Variants in TMEM41B observed in about 807,000 individuals in gnomAD.
TMEM41B encodes transmembrane protein 41B, also known as protein stasimon.
In TMEM41B, 18 loss-of-function variants were observed where a neutral mutation model predicts 31.9. The observed-to-expected ratio is 0.56, with a 90% CI of 0.39 to 0.84. The LOEUF (loss-of-function observed/expected upper bound fraction) is 0.84. Ranked by LOEUF, TMEM41B falls within the 40% of genes least tolerant of loss-of-function variation. The pLI is 0.00. For missense variants in TMEM41B, 322 were observed against 348.0 expected, an observed-to-expected ratio of 0.93 and a Z score of 0.59; for synonymous variants, 144 against 124.3, an observed-to-expected ratio of 1.16 and a Z score of -1.05.
chr11:9,314,317 TC>T lies in TMEM41B; in HGVS notation c.121+3del. On this transcript the variant is annotated splice_donor_region_variant and intron_variant, in intron 1 of 6. Coordinates refer to ENST00000528080, the MANE Select transcript of TMEM41B (RefSeq NM_015012.4). ...CCCCAGCTCTGCTCCCCGGGCCCAC[TC>T]ACCCTTCTGGTGGTCTCTGCTGCCA... The T allele has an allele frequency of 6.3e-7, 1 of 1,597,062 alleles. No individual in the cohort carries two copies. The highest frequency in any genetic ancestry group is 8.5e-7 in the Non-Finnish European group (1 of 1,176,618).
chr11:9,297,104 A>T (rs1019797352), intron 2 of TMEM41B, among the ~76,000 whole-genome samples: 1 of 151,926 alleles, frequency 6.6e-6, no homozygotes, highest in Non-Finnish European at 1.5e-5. Context: ...TGTTTTTTTT[A>T]GATAGAGTCC....
intron 1 of TMEM41B, among the ~76,000 whole-genome samples, chr11:9,306,599 C>A (rs139964872): frequency 6.6e-6 from 1 of 151,960 alleles, no homozygotes; most frequent in Non-Finnish European, 1.5e-5. Context: ...GGCAGGAAAT[C>A]GGCATTAACC....
Position 9,314,338 on chromosome 11 carries a change from C to T in TMEM41B, c.104G>A (p.Ser35Asn). 6.3e-7 allele frequency: 1 copy of T among 1,596,904 alleles called. No individual in the cohort carries two copies. The highest frequency in any genetic ancestry group is 8.5e-7 in the Non-Finnish European group (1 of 1,174,702). The change falls in exon 1 of 7, where the codon AGC becomes AAC. Residue 35 changes from serine to asparagine, a missense_variant. Around this residue, in one of 3 missense-constraint regions of TMEM41B, gnomAD observed 183 missense variants for 175.3 expected, o/e 1.04. Coordinates refer to ENST00000528080, the MANE Select transcript of TMEM41B (RefSeq NM_015012.4). ...CCACTCACCCTTCTGGTGGTCTCTG[C>T]TGCCAGGCGCCGCGAGACCCCGCGT... ...AGTRGLAAPG[S>N]RDHQKEKSWV... is the part of the protein sequence containing the mutation.
At chr11:9,298,308 A>G (rs1050945712) in intron 2 of TMEM41B, among the ~76,000 whole-genome samples, 1 of 150,872 alleles carries the variant, frequency 6.6e-6, no homozygotes, top group African/African-American at 2.4e-5. Context: ...AAAATACAAA[A>G]ATTAGCCGGG....
intron 1 of TMEM41B, among the ~76,000 whole-genome samples, chr11:9,304,070 G>C (rs1253906263): frequency 1.3e-5 from 2 of 152,124 alleles, no homozygotes; most frequent in East Asian, 3.9e-4. Context: ...GGAAGGAAGA[G>C]GATAATAATA....
At chr11:9,306,198 C>G (rs1003197163) in intron 1 of TMEM41B, among the ~76,000 whole-genome samples, 3 of 151,224 alleles carry the variant, frequency 2.0e-5, no homozygotes, top group Non-Finnish European at 4.4e-5. Context: ...AGGCTGGTCT[C>G]GAACCCCTGA....
intron 5 of TMEM41B, 136 bp from the exon 6 acceptor site, chr11:9,286,729 G>A (rs1852845658): frequency 2.2e-6 from 2 of 908,634 alleles, no homozygotes; most frequent in Non-Finnish European, 3.1e-6. Flanking sequence ...GGCTGGCGAG[G>A]TGGTTCATGC....
intron 2 of TMEM41B, among the ~76,000 whole-genome samples, chr11:9,299,282 C>CAAAAAA (rs1180036082): frequency 0.023 from 933 of 40,734 alleles, 2 homozygotes; most frequent in Non-Finnish European, 0.028. Context: ...GACTCTGTCT[C>CAAAAAA]AAAAAAAAAA....
chr11:9,290,163 A>C (rs1489102107), intron 3 of TMEM41B, among the ~76,000 whole-genome samples: 2 of 152,096 alleles, frequency 1.3e-5, no homozygotes, highest in Non-Finnish European at 2.9e-5. Flanking sequence ...GGCGGATCAC[A>C]AAGTCAGGAG....
At chr11:9,296,915 CT>C (rs925977348) in intron 2 of TMEM41B, among the ~76,000 whole-genome samples, 1 of 151,300 alleles carries the variant, frequency 6.6e-6, no homozygotes, top group Non-Finnish European at 1.5e-5. Context: ...ATGATCATTT[CT>C]TTTTTTTTGT....
chr11:9,311,171 A>G, intron 1 of TMEM41B: 1 of 1,226,814 alleles, frequency 8.2e-7, no homozygotes, highest in Non-Finnish European at 1.1e-6. Context: ...AGGCGGGGGT[A>G]GGGTGTGGGG....
chr11:9,310,014 T>A (rs1853516866), intron 1 of TMEM41B, among the ~76,000 whole-genome samples: 1 of 151,758 alleles, frequency 6.6e-6, no homozygotes, highest in African/African-American at 2.4e-5. Context: ...TTTTTGATTG[T>A]GTTCCAAGTA....
chr11:9,309,962 T>TA (rs1296670616), intron 1 of TMEM41B, among the ~76,000 whole-genome samples: 11 of 151,390 alleles, frequency 7.3e-5, no homozygotes, highest in African/African-American at 2.7e-4. Flanking sequence ...TATTGTTTTC[T>TA]AGAAGCAATA....
At chr11:9,305,754 C>T (rs1472257032) in intron 1 of TMEM41B, among the ~76,000 whole-genome samples, 3 of 152,048 alleles carry the variant, frequency 2.0e-5, no homozygotes, top group Non-Finnish European at 4.4e-5. Context: ...GAATCAGGTC[C>T]AGAGTATAAG....
At chr11:9,292,965 T>C (rs1267393317) in intron 3 of TMEM41B, among the ~76,000 whole-genome samples, 1 of 152,204 alleles carries the variant, frequency 6.6e-6, no homozygotes, top group Non-Finnish European at 1.5e-5. Context: ...AGGTTGCTTT[T>C]GATTCTTAAG....
In TMEM41B at chr11:9,303,045, C is replaced by T. The variant is rs1013495643; in HGVS notation, c.122-3344G>A. Among the ~76,000 whole-genome samples the T allele has an allele frequency of 3.0e-5, 3 of 101,522 alleles. 1 individual carries two copies. Among genetic ancestry groups the T allele is most frequent in the Non-Finnish European group, 6.4e-5 (3 of 46,946 alleles). The allele number at this position is 101,522 out of a possible 152,430, so 66.6% of individuals were successfully genotyped here. A position where few individuals can be genotyped will look rare whatever the true frequency, so the allele number is the denominator to read the frequency against. On this transcript the variant is annotated intron_variant, in intron 1 of 6. Coordinates refer to ENST00000528080, the MANE Select transcript of TMEM41B (RefSeq NM_015012.4). Reference sequence around the variant, plus strand: ...TTGTTGTTGTTGTCTGAGAAGGAGTCTCGCTCTGTTGCCCAGGCTGGACTG... The same window carrying T: ...TTGTTGTTGTTGTCTGAGAAGGAGTTTCGCTCTGTTGCCCAGGCTGGACTG...
chr11:9,303,454 A>T (rs1037437199), intron 1 of TMEM41B, among the ~76,000 whole-genome samples: 7 of 152,028 alleles, frequency 4.6e-5, no homozygotes, highest in African/African-American at 1.7e-4. Flanking sequence ...AAGCATTTTA[A>T]TATCTGTTTA....
chr11:9,303,937 G>C (rs1400515898), intron 1 of TMEM41B, among the ~76,000 whole-genome samples: 2 of 152,130 alleles, frequency 1.3e-5, no homozygotes, highest in African/African-American at 4.8e-5. Context: ...CAAAGTGTTA[G>C]GATTACAGGC....
chr11:9,297,702 T>TAAA (rs1853133341), intron 2 of TMEM41B, among the ~76,000 whole-genome samples: 2 of 151,526 alleles, frequency 1.3e-5, no homozygotes, highest in South Asian at 4.2e-4. Flanking sequence ...AAAAAATAAA[T>TAAA]AAATAAAGTT....
Sources: allele counts gnomAD v4.1 joint callset (sites outside exome capture counted in the v4.1 genomes callset), GRCh38; gene constraint gnomAD v4.1.1; regional missense constraint gnomAD v4.1.1; transcripts MANE v1.5; gene names NCBI Gene and HGNC (gene_info 2026-07-23, HGNC 2026-07-21).